RIF1: variants seen among roughly 807,000 people sequenced by gnomAD.
The protein encoded by RIF1 is telomere-associated protein RIF1.
A neutral mutation model predicts 247.1 loss-of-function variants in RIF1; 45 were observed. The ratio of observed to expected loss-of-function variants is 0.18; its 90% CI spans 0.14 to 0.23. The LOEUF (loss-of-function observed/expected upper bound fraction) is 0.23, where lower values mean the gene tolerates loss of function less well. Among genes scored for constraint, RIF1 ranks in the 10% least tolerant of loss-of-function variants. The pLI is 1.00. For missense variants in RIF1, 2,967 were observed against 2,862.5 expected (o/e 1.04, Z -0.83); for synonymous variants, 1,087 against 978.8 (o/e 1.11, Z -2.06).
Position 151,432,165 on chromosome 2 carries a change from G to GCCT in RIF1, c.926-911_926-909dup, listed in dbSNP as rs374781289. On this transcript the variant is annotated intron_variant, in intron 9 of 35. Transcript: ENST00000444746. ...CTGGTATTACAGGAGCCACCGCCAT[G>GCCT]CCTAGCTAACCTTTTTGTAGTTTTA... 1.7e-3 allele frequency among the ~76,000 whole-genome samples: 266 copies of GCCT among 152,154 alleles called. 2 individuals are homozygous for GCCT. Among genetic ancestry groups the GCCT allele is most frequent in the African/African-American group, 6.1e-3 (255 of 41,508 alleles).
Position 151,462,485 on chromosome 2 carries a change from A to T in RIF1, c.3363+19A>T. The T allele has an allele frequency of 6.6e-7, 1 of 1,526,166 alleles. No individual in the cohort carries two copies. Among genetic ancestry groups the T allele is most frequent in the South Asian group, 1.3e-5 (1 of 75,972 alleles). 94.5% of individuals were successfully genotyped at this position (1,526,166 alleles called of 1,614,324 possible). ...GATTACGGTATGTTTGACATTTCAT[A>T]TTTTGGGCTTTTTAGAATCACCCTT... On this transcript the variant is annotated intron_variant, in intron 29 of 35. Transcript: ENST00000444746.
intron 8 of RIF1, 49 bp downstream of exon 8, chr2:151,423,091 T>C: frequency 1.0e-6 from 1 of 969,682 alleles, no homozygotes; most frequent in South Asian, 1.4e-5. Flanking sequence ...TGCTGGACTC[T>C]TTATTTTCTT....
intron 10 of RIF1, among the ~76,000 whole-genome samples, chr2:151,498,866 C>T (rs1575095688): frequency 6.8e-6 from 1 of 147,382 alleles, no homozygotes; most frequent in African/African-American, 2.5e-5. Flanking sequence ...ATGTTTAAGG[C>T]AAATGGAGAG....
At chr2:151,466,478 A>C (rs1696904106) in intron 30 of RIF1, among the ~76,000 whole-genome samples, 1 of 152,156 alleles carries the variant, frequency 6.6e-6, no homozygotes, top group African/African-American at 2.4e-5. Flanking sequence ...GATAAAGCAG[A>C]TTTAGTAGTT....
rs1687924471 is a variant in RIF1, at chr2:151,420,129, C to G, written c.504-61C>G. On this transcript the variant is annotated intron_variant, in intron 6 of 35. Transcript: ENST00000444746. ...GTATATTTCTGTTTCACCTATTTTA[C>G]TGCTTGTTTAGACTTAAAACATGAG... 3 of 1,443,624 alleles carry G rather than the reference C, an allele frequency of 2.1e-6. No homozygotes were observed. In the South Asian group the frequency reaches 3.8e-5, roughly 18 times the overall value. The allele number at this position is 1,443,624 out of a possible 1,614,324, so 89.4% of individuals were successfully genotyped here. A position where few individuals can be genotyped will look rare whatever the true frequency, so the allele number is the denominator to read the frequency against.
At chr2:151,529,070 G>A in the RIF1 span, 7 of 677,612 alleles carry the variant, frequency 1.0e-5, no homozygotes, top group African/African-American at 1.8e-5. Flanking sequence ...TAGCATCATT[G>A]TTCATGCTCC....
Position 151,443,261 on chromosome 2 carries a change from A to T in RIF1, c.1737A>T (p.Gly579=), listed in dbSNP as rs2152391696. Reference sequence around the variant, plus strand: ...ATTGACTTCATTTTCTCCTTCAGGGAACTCCAGCTTTGTTCTTAATTCAAT... The same window carrying T: ...ATTGACTTCATTTTCTCCTTCAGGGTACTCCAGCTTTGTTCTTAATTCAAT... ...YQVANMDILN[G]TPALFLIQLI... Residue 579 remains glycine, a splice_region_variant and synonymous_variant, in exon 17 of 36, where the codon GGA becomes GGT. Transcript: ENST00000444746. 1 of 1,573,782 alleles carries T rather than the reference A, an allele frequency of 6.4e-7. No homozygotes were observed. Among genetic ancestry groups the T allele is most frequent in the South Asian group, 1.1e-5 (1 of 88,752 alleles).
Position 151,416,916 on chromosome 2 carries a change from G to A in RIF1, c.503+15G>A, listed in dbSNP as rs1379600889. ...GTTATCGTAAGGTATGCATTTGGAT[G>A]TTGTGCAAATTGAAGAATAGTTTTC... On this transcript the variant is annotated intron_variant, in intron 6 of 35. Transcript: ENST00000444746. 4 of 1,570,512 alleles carry A rather than the reference G, an allele frequency of 2.5e-6. No homozygotes were observed. The highest frequency in any genetic ancestry group is 2.6e-6 in the Non-Finnish European group (3 of 1,147,178).
At chr2:151,422,919 T>C in intron 7 of RIF1, 31 bp from the exon 8 acceptor site, 1 of 1,166,364 alleles carries the variant, frequency 8.6e-7, no homozygotes, top group Non-Finnish European at 1.3e-6. Context: ...TCTAAGAGTC[T>C]GTTTGGTAAA....
intron 9 of RIF1, among the ~76,000 whole-genome samples, chr2:151,429,267 G>A (rs1011413411): frequency 4.6e-5 from 7 of 151,866 alleles, no homozygotes; most frequent in Admixed American, 6.6e-5. Flanking sequence ...TGCGACCCCC[G>A]CCTCCCAGGT....
At chr2:151,487,814 G>A (rs1410927373) in intron 9 of RIF1, among the ~76,000 whole-genome samples, 1 of 152,006 alleles carries the variant, frequency 6.6e-6, no homozygotes, top group Non-Finnish European at 1.5e-5. Flanking sequence ...ATGGGGTTTT[G>A]CCTTGTTGCA....
At chr2:151,523,076 G>GT in the RIF1 span, among the ~76,000 whole-genome samples, 1 of 150,520 alleles carries the variant, frequency 6.6e-6, no homozygotes. Context: ...ATAGTCGTTT[G>GT]TTTTTAAATT....
chr2:151,446,378 T>G (rs1261214749), intron 19 of RIF1, 48 bp from the exon 20 acceptor site: 2 of 1,501,324 alleles, frequency 1.3e-6, no homozygotes, highest in East Asian at 4.5e-5. Flanking sequence ...TAAACTTTGA[T>G]AGATAGGTAT....
Position 151,502,931 on chromosome 2 carries a change from A to AGAG in RIF1, c.*710-102_*710-100dup, listed in dbSNP as rs1363881941. 7.5e-6 allele frequency: 9 copies of AGAG among 1,196,862 alleles called. No homozygotes were observed. The Admixed American group carries it at 1.7e-4, about 22-fold the overall frequency. The allele number at this position is 1,196,862 out of a possible 1,614,324, so 74.1% of individuals were successfully genotyped here. A position where few individuals can be genotyped will look rare whatever the true frequency, so the allele number is the denominator to read the frequency against. The stretch of plus-strand genomic sequence containing the variant: ...CCCAGAGGACATTTAAAACAGGCAC[A>AGAG]GAGAGTAAGGAAGGAAGGAAATGGG... On this transcript the variant is annotated intron_variant and NMD_transcript_variant, in intron 11 of 13. Coordinates refer to the RIF1 transcript ENST00000454583.
intron 34 of RIF1, 141 bp from the exon 35 acceptor site, chr2:151,473,823 A>T (rs2048764207): frequency 1.6e-6 from 1 of 639,154 alleles, no homozygotes; most frequent in Non-Finnish European, 2.8e-6. Flanking sequence ...TAGCAGTATT[A>T]GCTCTTAATT....
downstream of RIF1, among the ~76,000 whole-genome samples, chr2:151,510,904 A>T (rs2073728799): frequency 6.6e-6 from 1 of 152,254 alleles, no homozygotes; most frequent in Non-Finnish European, 1.5e-5. Context: ...TTATAAATAC[A>T]GATTCTCCAT....
intron 16 of RIF1, among the ~76,000 whole-genome samples, chr2:151,443,036 A>G (rs891675488): frequency 1.3e-5 from 2 of 151,910 alleles, no homozygotes; most frequent in African/African-American, 4.8e-5. Context: ...TCGGCCTCCC[A>G]AAGTGCTGGC....
chr2:151,458,999 G>A, intron 25 of RIF1, 89 bp downstream of exon 25: 1 of 743,896 alleles, frequency 1.3e-6, no homozygotes, highest in Non-Finnish European at 2.1e-6. Context: ...GAACAGAAAA[G>A]AGTTTTGTAA....
intron 3 of RIF1, among the ~76,000 whole-genome samples, chr2:151,413,112 C>T (rs1327393918): frequency 6.6e-6 from 1 of 151,068 alleles, no homozygotes; most frequent in African/African-American, 2.4e-5. Flanking sequence ...ATGGCTTGAA[C>T]ACCTCCTGGG....
Sources: allele counts gnomAD v4.1 joint callset (sites outside exome capture counted in the v4.1 genomes callset), GRCh38; gene constraint gnomAD v4.1.1; transcripts MANE v1.5; gene names NCBI Gene and HGNC (gene_info 2026-07-23, HGNC 2026-07-21).